Variants in SCN1A observed in about 807,000 individuals in gnomAD.
SCN1A encodes sodium voltage-gated channel alpha subunit 1, also known as sodium channel protein type 1 subunit alpha.
Under a neutral mutation model 193.7 loss-of-function variants are expected in SCN1A, and 13 were observed. That is an observed-to-expected ratio of 0.07 (90% CI 0.04 to 0.11). SCN1A has a LOEUF of 0.11. Among genes scored for constraint, SCN1A ranks in the 10% least tolerant of loss-of-function variants. The pLI, the probability that SCN1A is intolerant of heterozygous loss-of-function variation, is 1.00. For synonymous variants in SCN1A, 781 were observed against 843.6 expected (o/e 0.93, Z 1.29); for missense variants, 1,432 against 2,451.1 (o/e 0.58, Z 8.78).
Position 165,991,209 on chromosome 2 carries a change from A to C in SCN1A, c.*36T>G. 1 of 1,552,416 alleles carries C rather than the reference A, an allele frequency of 6.4e-7. No homozygotes were observed. Among genetic ancestry groups the C allele is most frequent in the Non-Finnish European group, 8.8e-7 (1 of 1,141,892 alleles). Reference sequence around the variant, plus strand: ...AATACATCACCTTCACAGGCTGTAAACAATTTGTCACCCAATTATTTTTAT... The same window carrying C: ...AATACATCACCTTCACAGGCTGTAACCAATTTGTCACCCAATTATTTTTAT... On this transcript the variant is annotated 3_prime_UTR_variant, in exon 29 of 29. Transcript: ENST00000674923.
chr2:166,039,356 T>C, intron 17 of SCN1A, 67 bp downstream of exon 17: 2 of 1,514,344 alleles, frequency 1.3e-6, no homozygotes, highest in African/African-American at 1.4e-5. Flanking sequence ...AACTATGACA[T>C]TGCTATGCAA....
chr2:165,996,764 A>G (rs1296025309), intron 26 of SCN1A, among the ~76,000 whole-genome samples: 3 of 151,338 alleles, frequency 2.0e-5, no homozygotes, highest in East Asian at 1.9e-4. Flanking sequence ...AGAAAAGGGA[A>G]TTGAGGGGAG....
chr2:166,141,341 G>A (rs572250261), intron 1 of SCN1A, among the ~76,000 whole-genome samples: 8 of 151,130 alleles, frequency 5.3e-5, no homozygotes, highest in South Asian at 2.1e-4. Flanking sequence ...GAATTCTTGT[G>A]TATATCCAAG....
chr2:166,111,099 G>A (rs530291368), intron 2 of SCN1A, among the ~76,000 whole-genome samples: 1 of 152,154 alleles, frequency 6.6e-6, no homozygotes, highest in East Asian at 1.9e-4. Flanking sequence ...TGATGAAGGT[G>A]ACTACACTAA....
intron 9 of SCN1A, among the ~76,000 whole-genome samples, chr2:166,050,993 A>G (rs1213158914): frequency 6.6e-6 from 1 of 151,950 alleles, no homozygotes; most frequent in Non-Finnish European, 1.5e-5. Flanking sequence ...GATACATTAA[A>G]GACATTGTGT....
chr2:166,013,680 A>T, intron 21 of SCN1A, 64 bp downstream of exon 21: 1 of 1,429,482 alleles, frequency 7.0e-7, no homozygotes, highest in Non-Finnish European at 9.8e-7. Context: ...AAGGATTAAT[A>T]AGTCATCAGT....
chr2:166,024,494 GTTTTCC>G (rs1360922953), intron 19 of SCN1A, among the ~76,000 whole-genome samples: 1 of 151,968 alleles, frequency 6.6e-6, no homozygotes, highest in African/African-American at 2.4e-5. Context: ...TTTTTGTTTT[GTTTTCC>G]TTTTCATGTT....
At chr2:166,040,650 T>C (rs1559207962) in intron 16 of SCN1A, among the ~76,000 whole-genome samples, 1 of 152,230 alleles carries the variant, frequency 6.6e-6, no homozygotes, top group Non-Finnish European at 1.5e-5. Context: ...TAATAATTTA[T>C]GTTTTTGAAG....
At chr2:166,066,196 G>A (rs925335287) in intron 4 of SCN1A, among the ~76,000 whole-genome samples, 1 of 152,116 alleles carries the variant, frequency 6.6e-6, no homozygotes, top group African/African-American at 2.4e-5. Context: ...GCAGAGAGAA[G>A]AAATTATAAC....
intron 9 of SCN1A, among the ~76,000 whole-genome samples, chr2:166,051,443 C>T (rs1030727349): frequency 6.6e-6 from 1 of 151,898 alleles, no homozygotes; most frequent in Admixed American, 6.6e-5. Flanking sequence ...ATGGAAGGCA[C>T]ATTAGCAATG....
chr2:166,098,221 A>G (rs1687610497), intron 2 of SCN1A, among the ~76,000 whole-genome samples: 1 of 152,212 alleles, frequency 6.6e-6, no homozygotes, highest in African/African-American at 2.4e-5. Context: ...CAACATATAC[A>G]TATCAATAGA....
intron 2 of SCN1A, among the ~76,000 whole-genome samples, chr2:166,083,359 A>G (rs574399234): frequency 6.6e-6 from 1 of 152,256 alleles, no homozygotes; most frequent in Admixed American, 6.5e-5. Context: ...AACTGCAGTT[A>G]AAATAAGGTC....
chr2:166,054,801 A>G (rs1438836578), intron 6 of SCN1A, 35 bp from the exon 7 acceptor site: 2 of 1,601,236 alleles, frequency 1.2e-6, no homozygotes, highest in Non-Finnish European at 8.5e-7. Flanking sequence ...TGATAAAGTA[A>G]CAGTGTTTTT....
intron 2 of SCN1A, among the ~76,000 whole-genome samples, chr2:166,079,898 C>G (rs902314716): frequency 6.6e-6 from 1 of 151,190 alleles, no homozygotes; most frequent in Non-Finnish European, 1.5e-5. Context: ...ATTTTTTTAA[C>G]TCTAAGTAGA....
intron 2 of SCN1A, among the ~76,000 whole-genome samples, chr2:166,087,668 A>G (rs1686291374): frequency 6.6e-6 from 1 of 152,188 alleles, no homozygotes. Flanking sequence ...TTTAAAAAAA[A>G]AAATTACCCA....
intron 20 of SCN1A, among the ~76,000 whole-genome samples, chr2:166,014,833 TAATGTATATTATCGGGTA>T (rs557986757): frequency 6.6e-6 from 1 of 151,850 alleles, no homozygotes; most frequent in East Asian, 1.9e-4. Flanking sequence ...TTTCATAGGA[TAATGTATATTATCGGGTA>T]AATTAAATGG....
intron 23 of SCN1A, among the ~76,000 whole-genome samples, chr2:166,006,419 G>C (rs1691665767): frequency 6.6e-6 from 1 of 151,270 alleles, no homozygotes; most frequent in South Asian, 2.1e-4. Flanking sequence ...TTATGTTTAT[G>C]TATGTTTTCA....
chr2:166,090,624 T>C (rs1686696610), intron 2 of SCN1A, among the ~76,000 whole-genome samples: 1 of 152,130 alleles, frequency 6.6e-6, no homozygotes, highest in Non-Finnish European at 1.5e-5. Context: ...TACCAGTCAC[T>C]AGGTATGAGA....
rs144739941 is a variant in SCN1A at position 166,087,234 on chromosome 2, A to C, written c.-141-9433T>G. 4.0e-5 allele frequency among the ~76,000 whole-genome samples: 6 copies of C among 151,318 alleles called. No homozygotes were observed. The East Asian group carries it at 1.2e-3, about 29-fold the overall frequency. ...GTAATCCCAGGACTTTGGGAGGCTGAGGTGGGTGGATCACCTGAGGTTGGG... is the reference window on the plus strand; with the variant it reads ...GTAATCCCAGGACTTTGGGAGGCTGCGGTGGGTGGATCACCTGAGGTTGGG... On this transcript the variant is annotated intron_variant, in intron 2 of 28. Coordinates refer to ENST00000674923, the MANE Select transcript of SCN1A (RefSeq NM_001165963.4).
Sources: gnomAD v4.1 joint callset for allele counts (sites outside exome capture counted in the v4.1 genomes callset) on GRCh38, gnomAD v4.1.1 for gene constraint, MANE v1.5 for transcripts, NCBI Gene and HGNC (gene_info 2026-07-23, HGNC 2026-07-21) for gene names.